ZBTB25: variants seen among roughly 807,000 people sequenced by gnomAD.
ZBTB25 encodes zinc finger and BTB domain-containing protein 25.
Under a neutral mutation model 34.2 loss-of-function variants are expected in ZBTB25, and 20 were observed. The ratio of observed to expected loss-of-function variants is 0.58; its 90% CI spans 0.41 to 0.85. The LOEUF (loss-of-function observed/expected upper bound fraction) is 0.85. Ranked by LOEUF, ZBTB25 falls within the 40% of genes least tolerant of loss-of-function variation. The pLI is 0.00. For missense variants in ZBTB25, 437 were observed against 521.8 expected (o/e 0.84, Z 1.58); for synonymous variants, 175 against 186.4 (o/e 0.94, Z 0.50).
chr14:64,500,944 G>A lies in ZBTB25; in HGVS notation c.-8+2717C>T, dbSNP rs533949422. Among the ~76,000 whole-genome samples the A allele has an allele frequency of 5.3e-4, 80 of 152,270 alleles. No homozygotes were observed. In the Middle Eastern group the frequency reaches 0.027, roughly 52 times the overall value. On this transcript the variant is annotated intron_variant, in intron 1 of 2. Coordinates refer to ENST00000608382, the MANE Select transcript of ZBTB25 (RefSeq NM_006977.5). ...CAGGCGCCTGTAATCCCAGCTACTC[G>A]GGAGGCTGAAGCCAGAGAATCGCTT... is the stretch of plus-strand genomic sequence containing the variant.
At chr14:64,468,823 AAT>A in intron 2 of ZBTB25, 2 of 1,614,190 alleles carry the variant, frequency 1.2e-6, no homozygotes, top group Non-Finnish European at 1.7e-6. Flanking sequence ...ATCATTCCAA[AAT>A]TATAGAAGAC....
intron 1 of ZBTB25, among the ~76,000 whole-genome samples, chr14:64,498,531 G>A (rs1348363923): frequency 6.6e-6 from 1 of 152,182 alleles, no homozygotes; most frequent in Admixed American, 6.5e-5. Context: ...GGCTGGTCTT[G>A]AACTCCTGAC....
At chr14:64,495,769 C>T (rs1048537584) in intron 1 of ZBTB25, among the ~76,000 whole-genome samples, 2 of 152,088 alleles carry the variant, frequency 1.3e-5, no homozygotes, top group Non-Finnish European at 2.9e-5. Context: ...CCAGCCTGGC[C>T]AACATGGAGA....
chr14:64,454,656 G>T, intron 2 of ZBTB25: 3 of 1,290,620 alleles, frequency 2.3e-6, no homozygotes. Flanking sequence ...TAATCACAGG[G>T]CCCAGATGGT....
chr14:64,479,883 T>TAATC lies in ZBTB25; in HGVS notation c.*7036_*7039dup, dbSNP rs1275096388. 1.3e-5 allele frequency: 2 copies of TAATC among 152,668 alleles called. No individual in the cohort carries two copies. Among genetic ancestry groups the TAATC allele is most frequent in the South Asian group, 2.1e-4 (1 of 4,848 alleles). The allele number at this position is 152,668 out of a possible 1,614,324, so 9.5% of individuals were successfully genotyped here. A position where few individuals can be genotyped will look rare whatever the true frequency, so the allele number is the denominator to read the frequency against. On this transcript the variant is annotated 3_prime_UTR_variant, in exon 3 of 3. Transcript: ENST00000608382. Reference sequence around the variant, plus strand: ...CATAATTACATGAACCTATTCCTTATAATCAATCAATCTCTTTCTCTCTCT... The same window carrying TAATC: ...CATAATTACATGAACCTATTCCTTATAATCAATCAATCAATCTCTTTCTCTCTCT...
intron 2 of ZBTB25, chr14:64,469,259 C>A (rs765696228): frequency 4.3e-6 from 7 of 1,613,482 alleles, no homozygotes; most frequent in Non-Finnish European, 5.9e-6. Flanking sequence ...AGAAAGTGCA[C>A]CAAATGGAAA....
chr14:64,454,806 C>T (rs770843682), intron 2 of ZBTB25: 4 of 1,614,066 alleles, frequency 2.5e-6, no homozygotes, highest in South Asian at 1.1e-5. Flanking sequence ...TCCCTACAGG[C>T]TTCATTCTGC....
chr14:64,493,694 G>C (rs2079167393), intron 1 of ZBTB25, among the ~76,000 whole-genome samples: 1 of 152,188 alleles, frequency 6.6e-6, no homozygotes, highest in African/African-American at 2.4e-5. Flanking sequence ...CAGAATTCCA[G>C]CTTGGGTAAT....
chr14:64,500,454 C>CAAAAAAAAAA (rs374975040), intron 1 of ZBTB25, among the ~76,000 whole-genome samples: 45 of 51,828 alleles, frequency 8.7e-4, no homozygotes, highest in African/African-American at 3.0e-3. Context: ...CCCAATAAAG[C>CAAAAAAAAAA]AAAAAAAAAA....
At chr14:64,489,406 C>T (rs998229094) in intron 2 of ZBTB25, among the ~76,000 whole-genome samples, 1 of 152,222 alleles carries the variant, frequency 6.6e-6, no homozygotes, top group Non-Finnish European at 1.5e-5. Flanking sequence ...CCTGCATGGG[C>T]ATGTTACTTA....
chr14:64,451,707 AC>A (rs1312389233), intron 2 of ZBTB25, among the ~76,000 whole-genome samples: 1 of 152,230 alleles, frequency 6.6e-6, no homozygotes, highest in Non-Finnish European at 1.5e-5. Flanking sequence ...TCTACTTGCA[AC>A]TTTTATCCAT....
downstream of ZBTB25, among the ~76,000 whole-genome samples, chr14:64,476,221 A>G (rs76829671): frequency 5.6e-4 from 85 of 152,370 alleles, 2 homozygotes; most frequent in East Asian, 0.016. Flanking sequence ...CTGCTAATCA[A>G]ATATATATAA....
rs201096516 is a variant in ZBTB25, at chr14:64,468,442, G to C, written c.174-18804C>G. 179 of 1,613,454 alleles carry C rather than the reference G, an allele frequency of 1.1e-4. No individual in the cohort carries two copies. Among genetic ancestry groups the C allele is most frequent in the Admixed American group, 1.5e-4 (9 of 59,856 alleles). Reference sequence around the variant, plus strand: ...TTCATGTAGAAAACAAGGATGAGAAGAGATCAGCAGAAGGTAGTCCTGGGG... The same window carrying C: ...TTCATGTAGAAAACAAGGATGAGAACAGATCAGCAGAAGGTAGTCCTGGGG... On this transcript the variant is annotated intron_variant, in intron 2 of 2. Coordinates refer to the ZBTB25 transcript ENST00000555220.
rs1186414349 is a variant in ZBTB25 at position 64,486,563 on chromosome 14, A to T, written c.*360T>A. 1.1e-6 allele frequency: 1 copy of T among 944,170 alleles called. No individual in the cohort carries two copies. The highest frequency in any genetic ancestry group is 1.3e-6 in the Non-Finnish European group (1 of 788,816). 58.5% of individuals were successfully genotyped at this position (944,170 alleles called of 1,614,324 possible). A position where few individuals can be genotyped will look rare whatever the true frequency, so the allele number is the denominator to read the frequency against. ...GTAGGCAGAAGTGATAGTTTAGAAT[A>T]TGCTTTAAAACAGATTTCATTTACT... On this transcript the variant is annotated 3_prime_UTR_variant, in exon 3 of 3. Transcript: ENST00000608382.
In ZBTB25 at chr14:64,487,029, T is replaced by C; in HGVS notation, c.1202A>G (p.Asp401Gly). Residue 401 changes from aspartate (D) to glycine (G), a missense_variant, in exon 3 of 3, where the codon GAT (aspartate) becomes GGT (glycine). Transcript: ENST00000608382. The part of the protein sequence containing the change: ...RFQPYCDSWS[D>G]VSLKSSRLSQ... The stretch of plus-strand genomic sequence containing the variant: ...CAAGCGAGAACTTTTCAGGGAGACA[T>C]CAGACCAGCTGTCACAGTATGGCTG... The C allele has an allele frequency of 6.2e-7, 1 of 1,614,186 alleles. No individual in the cohort carries two copies. Among genetic ancestry groups the C allele is most frequent in the African/African-American group, 1.3e-5 (1 of 75,050 alleles).
chr14:64,476,736 A>T (rs2078723699), downstream of ZBTB25, among the ~76,000 whole-genome samples: 1 of 101,650 alleles, frequency 9.8e-6, no homozygotes, highest in Admixed American at 9.2e-5. Flanking sequence ...CAATTCAGGT[A>T]AAAAAAAAAG....
rs2078571486 is a variant in ZBTB25 at position 64,463,102 on chromosome 14, T to C, written c.174-13464A>G. The C allele has an allele frequency of 4.6e-5, 7 of 152,266 alleles. No homozygotes were observed. The South Asian group carries it at 1.4e-3, about 32-fold the overall frequency. 9.4% of individuals were successfully genotyped at this position (152,266 alleles called of 1,614,324 possible). ...CATTTATAGCCTATTTCCTGTTATA[T>C]AATGAAAAGCTACTAATGGGGTAGT... On this transcript the variant is annotated intron_variant, in intron 2 of 2. Coordinates refer to the ZBTB25 transcript ENST00000555220.
chr14:64,478,896 TTA>T lies in ZBTB25; in HGVS notation c.*8025_*8026del, dbSNP rs2141011732. ...TGGCCAGATTAAAAATTCACAGAAA[TTA>T]TAACCTACAATCTCAATTTCATGAA... On this transcript the variant is annotated 3_prime_UTR_variant, in exon 3 of 3. Transcript: ENST00000608382. The T allele has an allele frequency of 6.6e-6, 1 of 152,296 alleles. No individual in the cohort carries two copies. Among genetic ancestry groups the T allele is most frequent in the African/African-American group, 2.4e-5 (1 of 41,568 alleles). 9.4% of individuals were successfully genotyped at this position (152,296 alleles called of 1,614,324 possible). A position where few individuals can be genotyped will look rare whatever the true frequency, so the allele number is the denominator to read the frequency against.
At position 64,485,247 on chromosome 14, in the gene ZBTB25, C is replaced by T. The variant is rs959751291; in HGVS notation, c.*1676G>A. 7 of 985,320 alleles carry T rather than the reference C, an allele frequency of 7.1e-6. No individual in the cohort carries two copies. In the African/African-American group the frequency reaches 8.7e-5, roughly 12 times the overall value. The allele number at this position is 985,320 out of a possible 1,614,324, so 61.0% of individuals were successfully genotyped here. A position where few individuals can be genotyped will look rare whatever the true frequency, so the allele number is the denominator to read the frequency against. ...TGATGCTGTTGAATGTGTCAGGAAA[C>T]GTCCTCAGAAGTGGAGGGAGCTCAA... On this transcript the variant is annotated 3_prime_UTR_variant, in exon 3 of 3. Coordinates refer to ENST00000608382, the MANE Select transcript of ZBTB25 (RefSeq NM_006977.5).
Sources: allele counts gnomAD v4.1 joint callset (sites outside exome capture counted in the v4.1 genomes callset), GRCh38; gene constraint gnomAD v4.1.1; transcripts MANE v1.5; gene names NCBI Gene and HGNC (gene_info 2026-07-23, HGNC 2026-07-21).